Variants in ADGRV1 observed in about 807,000 individuals in gnomAD.
ADGRV1 encodes the protein G-protein coupled receptor 98.
ADGRV1 carries 359 observed loss-of-function variants against 596.2 expected under a neutral mutation model. The observed-to-expected ratio is 0.60, with a 90% CI of 0.55 to 0.66. ADGRV1 has a LOEUF of 0.66. ADGRV1 is among the 30% of genes least tolerant of loss of function. ADGRV1 has a pLI of 0.00. For missense variants in ADGRV1, 7,274 were observed against 7,575.6 expected, an observed-to-expected ratio of 0.96 and a Z score of 1.48; for synonymous variants, 2,681 against 2,679.2, an observed-to-expected ratio of 1.00 and a Z score of -0.02.
intron 60 of ADGRV1, among the ~76,000 whole-genome samples, chr5:90,774,611 A>C (rs1194929305): frequency 3.3e-5 from 5 of 152,190 alleles, no homozygotes; most frequent in Non-Finnish European, 7.4e-5. Context: ...AAATGGTCCA[A>C]CAGTAGGAGA....
chr5:90,802,682 A>G lies in ADGRV1; in HGVS notation c.14518-57A>G. On this transcript the variant is annotated intron_variant, in intron 70 of 89. Coordinates refer to ENST00000405460, the MANE Select transcript of ADGRV1 (RefSeq NM_032119.4). ...GCATTATGCTAATGGCTCAAGTCAA[A>G]GAACAGCATTTTTCTCTGAAAATTA... 5.2e-6 allele frequency: 8 copies of G among 1,527,264 alleles called. No homozygotes were observed. The South Asian group carries it at 9.5e-5, about 18-fold the overall frequency. The allele number at this position is 1,527,264 out of a possible 1,614,324, so 94.6% of individuals were successfully genotyped here.
chr5:90,940,391 T>A (rs1208664110), intron 83 of ADGRV1, among the ~76,000 whole-genome samples: 1 of 152,212 alleles, frequency 6.6e-6, no homozygotes, highest in African/African-American at 2.4e-5. Flanking sequence ...TTACTGTGAA[T>A]TTATGAATCA....
chr5:91,013,633 AT>A (rs1407703893), intron 85 of ADGRV1, among the ~76,000 whole-genome samples: 1 of 152,032 alleles, frequency 6.6e-6, no homozygotes, highest in Non-Finnish European at 1.5e-5. Flanking sequence ...CATAATTTGA[AT>A]TTTTTTCTCC....
intron 75 of ADGRV1, among the ~76,000 whole-genome samples, chr5:90,820,798 T>A (rs1763416442): frequency 6.6e-6 from 1 of 152,116 alleles, no homozygotes; most frequent in African/African-American, 2.4e-5. Flanking sequence ...GTTAGTCTGA[T>A]GGGCTTCCCT....
At position 90,810,776 on chromosome 5, in the gene ADGRV1, A is replaced by AACCAACGT; in HGVS notation, c.15517_15524dup (p.Val5176ProfsTer38). The AACCAACGT allele has an allele frequency of 6.2e-7, 1 of 1,613,980 alleles. No homozygotes were observed. Among genetic ancestry groups the AACCAACGT allele is most frequent in the East Asian group, 2.2e-5 (1 of 44,882 alleles). ...GCAAGACGACTACCATTCTGCAGCC[A>AACCAACGT]ACCAACGTGGTTGCCATTGTTACTG... On this transcript the variant is annotated frameshift_variant, in exon 74 of 90. Transcript: ENST00000405460. LOFTEE classifies it high-confidence loss of function.
chr5:90,745,306 G>C, intron 51 of ADGRV1, 41 bp downstream of exon 51: 1 of 1,244,118 alleles, frequency 8.0e-7, no homozygotes, highest in Non-Finnish European at 1.1e-6. Flanking sequence ...TATGTTCACT[G>C]TAATTTTGTA....
chr5:90,923,616 T>G (rs1405820789), intron 83 of ADGRV1, among the ~76,000 whole-genome samples: 1 of 152,106 alleles, frequency 6.6e-6, no homozygotes, highest in Non-Finnish European at 1.5e-5. Flanking sequence ...CAATCTTGCC[T>G]TAGGTTATTT....
chr5:90,653,836 A>G lies in ADGRV1; in HGVS notation c.4262A>G (p.Glu1421Gly), dbSNP rs748537832. 2 of 1,612,808 alleles carry G rather than the reference A, an allele frequency of 1.2e-6. No individual in the cohort carries two copies. Among genetic ancestry groups the G allele is most frequent in the Admixed American group, 1.7e-5 (1 of 59,844 alleles). The change falls in exon 20 of 90, where the codon GAA becomes GGA. Residue 1421 changes from glutamate (E) to glycine (G), a missense_variant. Glu to Gly is a moderately conservative substitution (Grantham distance 98). This residue lies in a region of ADGRV1 where 1,715 missense variants were observed against 1,708.8 expected (regional missense o/e 1.00). Transcript: ENST00000405460. ...AKTTVMKYLE[E>G]SVWLHLLIIL... ...ACAACAGTCATGAAATATTTAGAAGAAAGTGTTTGGCTTCATCTACTAATT... is the reference window on the plus strand; with the variant it reads ...ACAACAGTCATGAAATATTTAGAAGGAAGTGTTTGGCTTCATCTACTAATT...
At chr5:90,962,832 T>G (rs1036409633) in intron 83 of ADGRV1, among the ~76,000 whole-genome samples, 1 of 152,178 alleles carries the variant, frequency 6.6e-6, no homozygotes, top group African/African-American at 2.4e-5. Context: ...TAGAGTGTAA[T>G]AAAATATCAA....
chr5:91,163,369 G>A (rs940701020), intron 89 of ADGRV1, among the ~76,000 whole-genome samples: 2 of 152,170 alleles, frequency 1.3e-5, no homozygotes, highest in Non-Finnish European at 2.9e-5. Flanking sequence ...CTCAAGTGAT[G>A]GACCTCAGTG....
At chr5:90,886,328 A>G (rs1409024902) in intron 83 of ADGRV1, among the ~76,000 whole-genome samples, 1 of 152,106 alleles carries the variant, frequency 6.6e-6, no homozygotes, top group Non-Finnish European at 1.5e-5. Context: ...CCAACTACCA[A>G]CTGCTAGAGG....
At position 91,158,554 on chromosome 5, in the gene ADGRV1, TC is replaced by T. The variant is rs550942649; in HGVS notation, c.18802+5160del. 5.5e-4 allele frequency among the ~76,000 whole-genome samples: 83 copies of T among 152,214 alleles called. 1 individual carries two copies. Among genetic ancestry groups the T allele is most frequent in the Non-Finnish European group, 6.3e-4 (43 of 68,000 alleles). On this transcript the variant is annotated intron_variant, in intron 89 of 89. Coordinates refer to ENST00000405460, the MANE Select transcript of ADGRV1 (RefSeq NM_032119.4). Reference sequence around the variant, plus strand: ...TCAGGTTTGTTCTATGTACTTCCCTTCCCCTAAGATCCTGCACTAAAATATG... The same window carrying T: ...TCAGGTTTGTTCTATGTACTTCCCTTCCCTAAGATCCTGCACTAAAATATG...
chr5:90,971,392 T>A (rs768140717), intron 84 of ADGRV1, among the ~76,000 whole-genome samples: 3 of 151,834 alleles, frequency 2.0e-5, no homozygotes, highest in Non-Finnish European at 2.9e-5. Flanking sequence ...CGAAGACACA[T>A]AATTGTCAGA....
chr5:90,711,635 G>A (rs1749365443), intron 41 of ADGRV1, among the ~76,000 whole-genome samples: 1 of 152,118 alleles, frequency 6.6e-6, no homozygotes, highest in Admixed American at 6.5e-5. Context: ...AATCTTCCCA[G>A]AATGTTTCTT....
At chr5:90,623,453 C>T (rs573282987) in intron 5 of ADGRV1, among the ~76,000 whole-genome samples, 169 of 152,060 alleles carry the variant, frequency 1.1e-3, no homozygotes, top group Admixed American at 2.3e-3. Flanking sequence ...ACTCTGATGC[C>T]CAGGCTGGAG....
intron 63 of ADGRV1, 89 bp from the exon 64 acceptor site, chr5:90,778,776 C>G (rs572321014): frequency 1.4e-5 from 16 of 1,178,560 alleles, no homozygotes; most frequent in Middle Eastern, 2.3e-4. Context: ...AATTTTAACA[C>G]AATCCTGGTA....
At chr5:90,644,054 T>C in intron 14 of ADGRV1, 71 bp downstream of exon 14, 1 of 1,106,804 alleles carries the variant, frequency 9.0e-7, no homozygotes, top group Non-Finnish European at 1.2e-6. Flanking sequence ...TAGTTATTTC[T>C]TTAGTAACTA....
intron 83 of ADGRV1, among the ~76,000 whole-genome samples, chr5:90,911,524 C>T (rs1314718959): frequency 6.6e-6 from 1 of 152,166 alleles, no homozygotes; most frequent in Non-Finnish European, 1.5e-5. Flanking sequence ...TGTTGTTTTA[C>T]ATACAGGTTT....
chr5:90,861,554 C>T (rs1767577315), intron 82 of ADGRV1, among the ~76,000 whole-genome samples: 1 of 151,956 alleles, frequency 6.6e-6, no homozygotes, highest in Non-Finnish European at 1.5e-5. Flanking sequence ...CGTGATCTGC[C>T]CACCTTGGCC....
Sources: gnomAD v4.1 joint callset for allele counts (sites outside exome capture counted in the v4.1 genomes callset) on GRCh38, gnomAD v4.1.1 for gene constraint, gnomAD v4.1.1 regional missense constraint, MANE v1.5 for transcripts, NCBI Gene and HGNC (gene_info 2026-07-23, HGNC 2026-07-21) for gene names.